The following TAAR8 variants were observed in gnomAD, a reference collection of about 807,000 sequenced individuals.
TAAR8 encodes trace amine associated receptor 8.
For missense variants in TAAR8, 459 were observed against 405.8 expected, an observed-to-expected ratio of 1.13 and a Z score of -1.13; for synonymous variants, 157 against 152.7, an observed-to-expected ratio of 1.03 and a Z score of -0.21.
chr6:132,553,360 C>A, exon 1 of TAAR8: 2 of 1,613,964 alleles, frequency 1.2e-6, no homozygotes, highest in South Asian at 1.1e-5. Flanking sequence ...TTTCTTATAG[C>A]TAAACAACAA....
downstream of TAAR8, chr6:132,553,725 T>C: frequency 6.7e-7 from 1 of 1,489,152 alleles, no homozygotes; most frequent in Non-Finnish European, 8.9e-7. Context: ...AGAATAAGTT[T>C]AAGCACTAAG....
chr6:132,553,531 A>T (rs1330939805), exon 1 of TAAR8: 1 of 1,614,016 alleles, frequency 6.2e-7, no homozygotes. Flanking sequence ...ATATTAATTG[A>T]TGCCTTTATG....
At chr6:132,553,017 T>C in exon 1 of TAAR8, 1 of 1,614,240 alleles carries the variant, frequency 6.2e-7, no homozygotes, top group Non-Finnish European at 8.5e-7. Context: ...TCTTCACAGT[T>C]GCTGTGATGT....
rs750414571 is a variant in TAAR8, at chr6:132,553,152, G to A, written c.460G>A (p.Val154Met). ...GTCTGTGTCGGGAATTTGCATCAGC[G>A]TGTCCTGGATTCTGCCTCTCACGTA... Residue 154 changes from valine (V) to methionine (M), a missense_variant, in exon 1 of 1, where the codon GTG becomes ATG. Transcript: ENST00000275200. The A allele has an allele frequency of 6.2e-6, 10 of 1,614,018 alleles. No individual in the cohort carries two copies. The African/African-American group carries it at 6.7e-5, about 11-fold the overall frequency.
At position 132,553,414 on chromosome 6, in the gene TAAR8, C is replaced by G. The variant is rs899034108; in HGVS notation, c.722C>G (p.Ser241Ter). 6.2e-7 allele frequency: 1 copy of G among 1,614,010 alleles called. No individual in the cohort carries two copies. The highest frequency in any genetic ancestry group is 8.5e-7 in the Non-Finnish European group (1 of 1,180,014). Residue 241 changes from serine to a stop codon, truncating the protein, a stop_gained, in exon 1 of 1, where the codon TCA becomes TGA. Transcript: ENST00000275200. LOFTEE classifies it low-confidence loss of function (END_TRUNC). Reference sequence around the variant, plus strand: ...ACTAGTAGCAAAGTAGAATCATCCTCAGAGAGTTATAAAATCAGAGTGGCC... The same window carrying G: ...ACTAGTAGCAAAGTAGAATCATCCTGAGAGAGTTATAAAATCAGAGTGGCC...
exon 1 of TAAR8, chr6:132,552,934 G>C (rs1053251006): frequency 6.2e-7 from 1 of 1,614,198 alleles, no homozygotes; most frequent in Admixed American, 1.7e-5. Flanking sequence ...TTCTTGGTAG[G>C]TGTGACTGTG....
chr6:132,552,850 T>C, exon 1 of TAAR8: 2 of 1,614,224 alleles, frequency 1.2e-6, no homozygotes, highest in Non-Finnish European at 1.7e-6. Context: ...CTCTTAGTAA[T>C]GACTTCTGTT....
exon 1 of TAAR8, chr6:132,553,135 C>G (rs199551401): frequency 6.2e-7 from 1 of 1,614,136 alleles, no homozygotes; most frequent in African/African-American, 1.3e-5. Context: ...GTGTCTGTGT[C>G]GGGAATTTGC....
At chr6:132,553,181 C>T (rs772798598) in exon 1 of TAAR8, 50 of 1,613,978 alleles carry the variant, frequency 3.1e-5, no homozygotes, top group Admixed American at 2.2e-4. Flanking sequence ...TCACGTACAG[C>T]GGTGCTGTGT....
exon 1 of TAAR8, chr6:132,553,655 A>G (rs762114465): frequency 1.9e-6 from 3 of 1,612,226 alleles, no homozygotes; most frequent in Non-Finnish European, 2.5e-6. Flanking sequence ...GGAAAGCCAT[A>G]AAACTTATTT....
exon 1 of TAAR8, chr6:132,553,664 T>G: frequency 6.2e-7 from 1 of 1,611,312 alleles, no homozygotes; most frequent in Non-Finnish European, 8.5e-7. Context: ...TAAAACTTAT[T>G]TTAAGTGGAG....
At chr6:132,553,041 T>C (rs1163954680) in exon 1 of TAAR8, 9 of 1,614,238 alleles carry the variant, frequency 5.6e-6, no homozygotes, top group Non-Finnish European at 5.9e-6. Context: ...ATTTTGTTAC[T>C]CTTCTGTCCT....
Position 132,553,230 on chromosome 6 carries a change from G to GT in TAAR8, c.539dup (p.Ser181LysfsTer38), listed in dbSNP as rs776290451. Reference sequence around the variant, plus strand: ...CAATGATGATGGGCTGGAGGAATTAGTAAGTGCTCTCAACTGCGTAGGTGG... The same window carrying GT: ...CAATGATGATGGGCTGGAGGAATTAGTTAAGTGCTCTCAACTGCGTAGGTGG... On this transcript the variant is annotated frameshift_variant, in exon 1 of 1. Coordinates refer to ENST00000275200, the Ensembl canonical transcript of TAAR8. LOFTEE classifies it low-confidence loss of function (END_TRUNC). 3.7e-6 allele frequency: 6 copies of GT among 1,614,196 alleles called. No individual in the cohort carries two copies. The South Asian group carries it at 6.6e-5, about 18-fold the overall frequency.
chr6:132,552,840 C>T (rs1776400048), exon 1 of TAAR8: 1 of 1,614,188 alleles, frequency 6.2e-7, no homozygotes, highest in East Asian at 2.2e-5. Context: ...ATTTGGAAAT[C>T]TCTTAGTAAT....
chr6:132,553,437 G>A (rs1358334097), exon 1 of TAAR8: 1 of 1,614,010 alleles, frequency 6.2e-7, no homozygotes, highest in African/African-American at 1.3e-5. Flanking sequence ...AATCAGAGTG[G>A]CCAAGAGAGA....
At position 132,553,357 on chromosome 6, in the gene TAAR8, T is replaced by A. The variant is rs745320870; in HGVS notation, c.665T>A (p.Ile222Lys). 5.0e-6 allele frequency: 8 copies of A among 1,614,050 alleles called. No individual in the cohort carries two copies. The Admixed American group carries it at 8.3e-5, about 17-fold the overall frequency. ...ATTCTTTACAGTAAGATTTTTCTTA[T>A]AGCTAAACAACAAGCTATAAAAATT... The change falls in exon 1 of 1, where the codon ATA becomes AAA. Residue 222 changes from isoleucine to lysine, a missense_variant. Ile to Lys is a moderately radical substitution (Grantham distance 102). Coordinates refer to ENST00000275200, the Ensembl canonical transcript of TAAR8.
chr6:132,553,221 G>A, exon 1 of TAAR8: 2 of 1,614,198 alleles, frequency 1.2e-6, no homozygotes, highest in South Asian at 1.1e-5. Context: ...TGATGGGCTG[G>A]AGGAATTAGT....
chr6:132,552,692 C>G (rs374790870), upstream of TAAR8: 9 of 1,603,460 alleles, frequency 5.6e-6, no homozygotes, highest in African/African-American at 1.2e-4. Flanking sequence ...ACAGCAGAAC[C>G]ATGACCAGCA....
At chr6:132,552,967 C>A (rs140749468) in exon 1 of TAAR8, 1 of 1,614,182 alleles carries the variant, frequency 6.2e-7, no homozygotes. Context: ...ATGGTCAGGA[C>A]GGTGGAGAGC....
Sources: gnomAD v4.1 joint callset for allele counts on GRCh38, gnomAD v4.1.1 for gene constraint, MANE v1.5 for transcripts, NCBI Gene and HGNC (gene_info 2026-07-23, HGNC 2026-07-21) for gene names.